The following PCDHGA8 variants were observed in gnomAD, a reference collection of about 807,000 sequenced individuals.
The protein encoded by PCDHGA8 is protocadherin gamma subfamily A, 8.
A neutral mutation model predicts 59.2 loss-of-function variants in PCDHGA8; 45 were observed. The ratio of observed to expected loss-of-function variants is 0.76; its 90% CI spans 0.60 to 0.98. PCDHGA8 has a LOEUF of 0.98. Among genes scored for constraint, PCDHGA8 ranks in the 50% least tolerant of loss-of-function variants. The probability of loss-of-function intolerance (pLI) is 0.00; values close to 1 mark genes in which losing one functional copy is unlikely to be tolerated. For missense variants in PCDHGA8, 1,257 were observed against 1,196.2 expected (o/e 1.05, Z -0.75); for synonymous variants, 531 against 519.0 (o/e 1.02, Z -0.32).
intron 1 of PCDHGA8, among the ~76,000 whole-genome samples, chr5:141,465,119 A>T (rs2099097382): frequency 6.6e-6 from 1 of 151,780 alleles, no homozygotes; most frequent in Non-Finnish European, 1.5e-5. Flanking sequence ...GTTTTAGCCT[A>T]AATTTGTAAA....
At chr5:141,417,302 G>A (rs1267397415) in intron 1 of PCDHGA8, 1 of 152,270 alleles carries the variant, frequency 6.6e-6, no homozygotes, top group Non-Finnish European at 1.5e-5. Context: ...GCCTCTGGAT[G>A]GAGGAATTGG....
At chr5:141,403,284 A>C in intron 1 of PCDHGA8, 1 of 1,613,912 alleles carries the variant, frequency 6.2e-7, no homozygotes. Flanking sequence ...GTCCTGGTTG[A>C]AGACAGAGTG....
chr5:141,485,814 CT>C lies in PCDHGA8; in HGVS notation c.2425-8992del, dbSNP rs2099619658. On this transcript the variant is annotated intron_variant, in intron 1 of 3. Transcript: ENST00000398604. The surrounding 1 kb of genome is among the most constrained non-coding windows in gnomAD (Gnocchi z 5.7). ...TCGGACTACCGCCTGGTGCTGACTGCTGTCGATGGAGGGAACCCGCCGAGAT... is the reference window on the plus strand; with the variant it reads ...TCGGACTACCGCCTGGTGCTGACTGCGTCGATGGAGGGAACCCGCCGAGAT... The C allele has an allele frequency of 6.2e-7, 1 of 1,613,864 alleles. No individual in the cohort carries two copies. Among genetic ancestry groups the C allele is most frequent in the Non-Finnish European group, 8.5e-7 (1 of 1,179,990 alleles).
chr5:141,467,095 C>G (rs930625426), intron 1 of PCDHGA8, among the ~76,000 whole-genome samples: 2 of 150,094 alleles, frequency 1.3e-5, no homozygotes, highest in African/African-American at 4.9e-5. Context: ...CTCTGTCACA[C>G]AGGCTGGAGT....
In PCDHGA8 at chr5:141,490,598, G is replaced by A. The variant is rs141484080; in HGVS notation, c.2425-4209G>A. On this transcript the variant is annotated intron_variant, in intron 1 of 3. Transcript: ENST00000398604. This position sits in a 1 kb window ranked among gnomAD's most constrained non-coding sequence, Gnocchi z 5.4. ...TCAGATGTCAATGACAATGCACCCC[G>A]CTTCAACCAGCAGCTTTACACTGCT... 309 of 1,614,062 alleles carry A rather than the reference G, an allele frequency of 1.9e-4. 2 individuals carry two copies. Among genetic ancestry groups the A allele is most frequent in the Admixed American group, 5.0e-4 (30 of 60,018 alleles).
rs776004958 is a variant in PCDHGA8 at position 141,410,344 on chromosome 5, C to T, written c.2424+15107C>T. 6 of 1,614,006 alleles carry T rather than the reference C, an allele frequency of 3.7e-6. No individual in the cohort carries two copies. In the South Asian group the frequency reaches 6.6e-5, roughly 18 times the overall value. On this transcript the variant is annotated intron_variant, in intron 1 of 3. Transcript: ENST00000398604. ...CCGTGATTCTGGCCATTGCCTTGCG[C>T]CTGCGACGCTCTCTCAGCCCTGCTA...
chr5:141,502,750 A>G (rs974131144), intron 2 of PCDHGA8, among the ~76,000 whole-genome samples: 3 of 151,928 alleles, frequency 2.0e-5, no homozygotes, highest in Non-Finnish European at 4.4e-5. Context: ...TTCCTTCTAC[A>G]TGTATTTGCT....
At chr5:141,467,672 A>T (rs1410623274) in intron 1 of PCDHGA8, among the ~76,000 whole-genome samples, 2 of 151,636 alleles carry the variant, frequency 1.3e-5, no homozygotes, top group Non-Finnish European at 2.9e-5. Context: ...GAAGATTTTT[A>T]TTTTTTTTAG....
chr5:141,432,584 C>T lies in PCDHGA8; in HGVS notation c.2424+37347C>T, dbSNP rs762935149. The T allele has an allele frequency of 2.3e-5, 37 of 1,613,854 alleles. No individual in the cohort carries two copies. The highest frequency in any genetic ancestry group is 3.3e-4 in the Middle Eastern group (2 of 6,018). On this transcript the variant is annotated intron_variant, in intron 1 of 3. Coordinates refer to ENST00000398604, the MANE Select transcript of PCDHGA8 (RefSeq NM_032088.2). The surrounding 1 kb of genome is among the most constrained non-coding windows in gnomAD (Gnocchi z 6.0). ...GAACGCCTGGCTGTCCTACCGTCTG[C>T]TCAAGGCCAGCGAGCCGGGACTCTT...
chr5:141,505,614 A>G (rs2154593732), intron 3 of PCDHGA8, 133 bp downstream of exon 3: 1 of 1,510,758 alleles, frequency 6.6e-7, no homozygotes, highest in Non-Finnish European at 8.9e-7. Context: ...GTCTGAAAGG[A>G]CCCACAATTC....
chr5:141,399,383 C>A, intron 1 of PCDHGA8: 1 of 1,614,008 alleles, frequency 6.2e-7, no homozygotes. Context: ...GTCACCATCA[C>A]AGCCACAGAC....
chr5:141,410,352 G>T (rs754268147), intron 1 of PCDHGA8: 4 of 1,614,022 alleles, frequency 2.5e-6, no homozygotes, highest in South Asian at 2.2e-5. Flanking sequence ...CGCCTGCGAC[G>T]CTCTCTCAGC....
intron 1 of PCDHGA8, chr5:141,423,443 C>A: frequency 6.2e-7 from 1 of 1,613,998 alleles, no homozygotes; most frequent in Non-Finnish European, 8.5e-7. Flanking sequence ...ATGCCCACGT[C>A]ACATTTTGTA....
chr5:141,428,119 C>CCGGGCTTTTCAGCCTGGGGCTGCACA, intron 1 of PCDHGA8: 1 of 1,606,630 alleles, frequency 6.2e-7, no homozygotes, highest in Non-Finnish European at 8.5e-7. Context: ...GCCATCGAGC[C>CCGGGCTTTTCAGCCTGGGGCTGCACA]CGGGCTTTTC....
chr5:141,482,891 G>A (rs1594277958), intron 1 of PCDHGA8, among the ~76,000 whole-genome samples: 2 of 152,168 alleles, frequency 1.3e-5, no homozygotes, highest in East Asian at 3.8e-4. Flanking sequence ...GGCCAACATG[G>A]TGAAACCTCA....
intron 3 of PCDHGA8, chr5:141,507,089 C>T (rs564539147): frequency 2.0e-5 from 3 of 152,298 alleles, no homozygotes; most frequent in Admixed American, 1.3e-4. Context: ...TAAGTTTATG[C>T]TCTTTCTACT....
intron 2 of PCDHGA8, 54 bp from the exon 3 acceptor site, chr5:141,505,339 G>A: frequency 1.2e-6 from 2 of 1,612,236 alleles, no homozygotes; most frequent in Middle Eastern, 3.4e-4. Flanking sequence ...GACAGGAGGG[G>A]CATGAGCTGT....
intron 1 of PCDHGA8, chr5:141,422,547 G>C: frequency 1.9e-6 from 3 of 1,613,938 alleles, no homozygotes; most frequent in Non-Finnish European, 2.5e-6. Context: ...CTCATGTCTG[G>C]CTGAATGTGG....
At position 141,431,735 on chromosome 5, in the gene PCDHGA8, G is replaced by A. The variant is rs2097411908; in HGVS notation, c.2424+36498G>A. 1.2e-6 allele frequency: 2 copies of A among 1,614,118 alleles called. No homozygotes were observed. Among genetic ancestry groups the A allele is most frequent in the Non-Finnish European group, 1.7e-6 (2 of 1,180,056 alleles). On this transcript the variant is annotated intron_variant, in intron 1 of 3. Transcript: ENST00000398604. The surrounding 1 kb of genome is among the most constrained non-coding windows in gnomAD (Gnocchi z 4.8). ...GGAAGTGCAAGCAATGGATAATGCAGGATATTCTGCGCGAGCCAAAGTCCT... is the reference window on the plus strand; with the variant it reads ...GGAAGTGCAAGCAATGGATAATGCAAGATATTCTGCGCGAGCCAAAGTCCT...
Sources: allele counts gnomAD v4.1 joint callset (sites outside exome capture counted in the v4.1 genomes callset), GRCh38; gene constraint gnomAD v4.1.1; non-coding constraint Gnocchi (gnomAD v3.1); transcripts MANE v1.5; gene names NCBI Gene and HGNC (gene_info 2026-07-23, HGNC 2026-07-21).